The following SYTL2 variants were observed in gnomAD, a reference collection of about 807,000 sequenced individuals.
SYTL2 encodes the protein synaptotagmin like 2.
In SYTL2, 165 loss-of-function variants were observed where a neutral mutation model predicts 198.7. The ratio of observed to expected loss-of-function variants is 0.83; its 90% confidence interval spans 0.73 to 0.94. The LOEUF (loss-of-function observed/expected upper bound fraction) is 0.94, where lower values mean the gene tolerates loss of function less well. Ranked by LOEUF, SYTL2 falls within the 40% of genes least tolerant of loss-of-function variation. The pLI, the probability that SYTL2 is intolerant of heterozygous loss-of-function variation, is 0.00. For synonymous variants in SYTL2, 966 were observed against 917.7 expected (o/e 1.05, Z -0.95); for missense variants, 2,835 against 2,582.8 (o/e 1.10, Z -2.12).
chr11:85,797,374 TC>T (rs1392569062), intron 1 of SYTL2, among the ~76,000 whole-genome samples: 1 of 152,170 alleles, frequency 6.6e-6, no homozygotes, highest in Non-Finnish European at 1.5e-5. Context: ...ACACCTGTAA[TC>T]CCAGCACTTT....
chr11:85,725,526 CAA>C lies in SYTL2; in HGVS notation c.3830_3831del (p.Phe1277TrpfsTer10). 6.2e-7 allele frequency: 1 copy of C among 1,614,020 alleles called. No homozygotes were observed. Among genetic ancestry groups the C allele is most frequent in the South Asian group, 1.1e-5 (1 of 91,064 alleles). ...LAPFPVRDET[F>X]GNTALLKKAE... ...GCTTTCTTGAGGAGAGCTGTATTTCCAAAAGTTTCATCTCTCACTGGAAAAGG... is the reference window on the plus strand; with the variant it reads ...GCTTTCTTGAGGAGAGCTGTATTTCCAAGTTTCATCTCTCACTGGAAAAGG... On this transcript the variant is annotated frameshift_variant, in exon 8 of 20. Coordinates refer to ENST00000359152, the MANE Select transcript of SYTL2 (RefSeq NM_206927.4). LOFTEE classifies it high-confidence loss of function.
chr11:85,810,313 G>C (rs1169344195), intron 1 of SYTL2, among the ~76,000 whole-genome samples: 1 of 152,164 alleles, frequency 6.6e-6, no homozygotes, highest in Non-Finnish European at 1.5e-5. Flanking sequence ...AGGAAAGAAA[G>C]GGAAGACGCG....
At chr11:85,852,023 G>A in the SYTL2 span, among the ~76,000 whole-genome samples, 1 of 152,116 alleles carries the variant, frequency 6.6e-6, no homozygotes, top group Non-Finnish European at 1.5e-5. Context: ...GGTGGAACAC[G>A]TAAGTTATCT....
At chr11:85,812,332 G>T (rs114730860), upstream of SYTL2, among the ~76,000 whole-genome samples, 797 of 152,204 alleles carry the variant, frequency 5.2e-3, 6 homozygotes, top group African/African-American at 0.018. Context: ...TTATCCCCAA[G>T]GGCTTCAGTT....
intron 11 of SYTL2, 139 bp downstream of exon 11, chr11:85,717,344 G>A (rs775383503): frequency 3.0e-5 from 20 of 670,206 alleles, no homozygotes; most frequent in East Asian, 8.2e-5. Flanking sequence ...AACCCTTATC[G>A]TAATGAAATA....
chr11:85,780,077 G>C (rs2092531801), intron 1 of SYTL2, among the ~76,000 whole-genome samples: 1 of 152,228 alleles, frequency 6.6e-6, no homozygotes, highest in African/African-American at 2.4e-5. Flanking sequence ...ACTGGTGAAA[G>C]AAGACAATTC....
intron 1 of SYTL2, among the ~76,000 whole-genome samples, chr11:85,794,706 A>G (rs911554370): frequency 6.6e-6 from 1 of 152,148 alleles, no homozygotes; most frequent in Non-Finnish European, 1.5e-5. Flanking sequence ...GGAGGAAAAA[A>G]AATCATTATA....
the SYTL2 span, among the ~76,000 whole-genome samples, chr11:85,845,241 C>T: frequency 0.014 from 2,075 of 152,320 alleles, 21 homozygotes; most frequent in African/African-American, 0.029. Context: ...GATTGCTCAT[C>T]ACTTCCCCTA....
chr11:85,763,491 C>T (rs545155922), intron 1 of SYTL2, among the ~76,000 whole-genome samples: 5 of 152,264 alleles, frequency 3.3e-5, no homozygotes, highest in Non-Finnish European at 7.4e-5. Flanking sequence ...AGGTTAAAGT[C>T]TAATTAACAA....
At chr11:85,715,801 A>G (rs2087124036) in intron 11 of SYTL2, among the ~76,000 whole-genome samples, 1 of 152,208 alleles carries the variant, frequency 6.6e-6, no homozygotes, top group South Asian at 2.1e-4. Context: ...TAGGTCCCAC[A>G]ATATGGTCCA....
intron 8 of SYTL2, 38 bp from the exon 9 acceptor site, chr11:85,720,997 C>CAA (rs199548160): frequency 5.0e-4 from 462 of 918,040 alleles, no homozygotes; most frequent in East Asian, 2.0e-3. Context: ...TGCACAATAC[C>CAA]AAAAAAAAAA....
chr11:85,719,553 G>T (rs1474942615), intron 9 of SYTL2, among the ~76,000 whole-genome samples: 1 of 151,838 alleles, frequency 6.6e-6, no homozygotes, highest in East Asian at 1.9e-4. Context: ...ACCAACATCA[G>T]GAAAAACAAT....
At chr11:85,721,209 T>C (rs912371403) in intron 8 of SYTL2, among the ~76,000 whole-genome samples, 1 of 152,182 alleles carries the variant, frequency 6.6e-6, no homozygotes, top group Non-Finnish European at 1.5e-5. Context: ...TTAATAGAAA[T>C]GTGATCTCTT....
chr11:85,725,528 A>C lies in SYTL2; in HGVS notation c.3830T>G (p.Phe1277Cys). The C allele has an allele frequency of 6.2e-7, 1 of 1,614,066 alleles. No homozygotes were observed. Among genetic ancestry groups the C allele is most frequent in the African/African-American group, 1.3e-5 (1 of 75,034 alleles). ...TTTCTTGAGGAGAGCTGTATTTCCA[A>C]AAGTTTCATCTCTCACTGGAAAAGG... ...LAPFPVRDET[F>C]GNTALLKKAE... Residue 1277 changes from phenylalanine to cysteine, a missense_variant, in exon 8 of 20, where the codon TTT becomes TGT. By Grantham distance (205) the Phe-to-Cys change is radical (BLOSUM62 -2). Transcript: ENST00000359152.
At chr11:85,732,127 G>A (rs780025842) in intron 7 of SYTL2, among the ~76,000 whole-genome samples, 3 of 152,162 alleles carry the variant, frequency 2.0e-5, no homozygotes, top group South Asian at 2.1e-4. Context: ...AAATAGGAAC[G>A]CTTTTACACT....
chr11:85,734,768 T>C (rs1365161747), intron 6 of SYTL2, 26 bp from the exon 7 acceptor site: 3 of 1,519,140 alleles, frequency 2.0e-6, no homozygotes, highest in Non-Finnish European at 9.1e-7. Flanking sequence ...CAGTAGGTGA[T>C]ATATCATATA....
Position 85,696,932 on chromosome 11 carries a change from A to AT in SYTL2, c.6369-545dup, listed in dbSNP as rs961514191. Reference sequence around the variant, plus strand: ...TTTGACTTTGGAAATAAATTATGTAATTTTTTTTTTACAATCACTTACATT... The same window carrying AT: ...TTTGACTTTGGAAATAAATTATGTAATTTTTTTTTTTACAATCACTTACATT... On this transcript the variant is annotated intron_variant, in intron 18 of 19. Coordinates refer to ENST00000359152, the MANE Select transcript of SYTL2 (RefSeq NM_206927.4). Among the ~76,000 whole-genome samples the AT allele has an allele frequency of 1.1e-3, 162 of 150,864 alleles. 2 individuals are homozygous for AT. In the East Asian group the frequency reaches 0.013, roughly 12 times the overall value.
At chr11:85,809,412 G>A (rs993484565) in intron 1 of SYTL2, among the ~76,000 whole-genome samples, 6 of 152,188 alleles carry the variant, frequency 3.9e-5, no homozygotes, top group African/African-American at 1.4e-4. Flanking sequence ...GGAAACTCCT[G>A]CACCATAAAT....
chr11:85,817,246 T>C, the SYTL2 span, among the ~76,000 whole-genome samples: 1 of 152,224 alleles, frequency 6.6e-6, no homozygotes, highest in African/African-American at 2.4e-5. Flanking sequence ...TTTCATGTAA[T>C]CATCTAAGCA....
Sources: gnomAD v4.1 joint callset for allele counts (sites outside exome capture counted in the v4.1 genomes callset) on GRCh38, gnomAD v4.1.1 for gene constraint, MANE v1.5 for transcripts, NCBI Gene and HGNC (gene_info 2026-07-23, HGNC 2026-07-21) for gene names.